The following SLC6A11 variants were observed in gnomAD, a reference collection of about 807,000 sequenced individuals.
SLC6A11 encodes solute carrier family 6 member 11.
SLC6A11 carries 25 observed loss-of-function variants against 74.8 expected under a neutral mutation model. That is an observed-to-expected ratio of 0.33 (90% CI 0.24 to 0.47). The LOEUF (loss-of-function observed/expected upper bound fraction) is 0.47. Among genes scored for constraint, SLC6A11 ranks in the 20% least tolerant of loss-of-function variants. The pLI is 1.00. For synonymous variants in SLC6A11, 330 were observed against 330.2 expected (o/e 1.00, Z 0.01); for missense variants, 574 against 837.0 (o/e 0.69, Z 3.88).
chr3:10,882,547 G>C (rs1390594820), intron 6 of SLC6A11, among the ~76,000 whole-genome samples: 1 of 152,156 alleles, frequency 6.6e-6, no homozygotes, highest in African/African-American at 2.4e-5. Context: ...TCCAGACCTG[G>C]AACAGTCCCT....
rs1433740693 is a variant in SLC6A11, at chr3:10,819,571, T to C, written c.363T>C (p.Cys121=). ...GQFTSEGGIT[C]WRKVCPLFEG... is the part of the protein sequence containing the mutation. ...TCACAAGTGAAGGTGGCATTACGTG[T>C]TGGAGGAAAGTTTGCCCTTTATTTG... Residue 121 remains cysteine (C), a synonymous_variant, in exon 2 of 14, where the codon TGT becomes TGC. Coordinates refer to ENST00000254488, the MANE Select transcript of SLC6A11 (RefSeq NM_014229.3). 1 of 1,614,052 alleles carries C rather than the reference T, an allele frequency of 6.2e-7. No individual in the cohort carries two copies. Among genetic ancestry groups the C allele is most frequent in the East Asian group, 2.2e-5 (1 of 44,906 alleles).
Position 10,938,318 on chromosome 3 carries a change from G to A in SLC6A11, c.1815G>A (p.Arg605=). ...GGGGCAAGCTTGGGGTGAGCCCACG[G>A]ATGGTGACAGTTAATGACTGTGATG... The part of the protein sequence containing the change: ...KMRGKLGVSP[R]MVTVNDCDAK... The change falls in exon 14 of 14, where the codon CGG becomes CGA. Residue 605 remains arginine (R), a synonymous_variant. Coordinates refer to ENST00000254488, the MANE Select transcript of SLC6A11 (RefSeq NM_014229.3). The A allele has an allele frequency of 1.9e-6, 3 of 1,613,312 alleles. No individual in the cohort carries two copies. The highest frequency in any genetic ancestry group is 2.2e-5 in the South Asian group (2 of 90,950).
At chr3:10,929,791 G>A in intron 10 of SLC6A11, among the ~76,000 whole-genome samples, 1 of 152,180 alleles carries the variant, frequency 6.6e-6, no homozygotes. Context: ...GGCACCATGT[G>A]CACCAGCCTG....
intron 5 of SLC6A11, among the ~76,000 whole-genome samples, chr3:10,862,510 G>A (rs1013474090): frequency 6.6e-6 from 1 of 152,200 alleles, no homozygotes; most frequent in Admixed American, 6.5e-5. Flanking sequence ...CCTTCTTAAT[G>A]AGCATGGTTG....
At chr3:10,859,423 A>G (rs1694677509) in intron 5 of SLC6A11, among the ~76,000 whole-genome samples, 1 of 152,142 alleles carries the variant, frequency 6.6e-6, no homozygotes, top group African/African-American at 2.4e-5. Context: ...TTGAGGACCC[A>G]TTAATGTCTG....
At chr3:10,916,886 A>G (rs1374163936) in intron 7 of SLC6A11, among the ~76,000 whole-genome samples, 1 of 152,214 alleles carries the variant, frequency 6.6e-6, no homozygotes, top group East Asian at 1.9e-4. Context: ...CACCAGTTCA[A>G]TGCTCTCTCT....
At chr3:10,880,297 C>G (rs556060542) in intron 6 of SLC6A11, among the ~76,000 whole-genome samples, 2 of 152,284 alleles carry the variant, frequency 1.3e-5, no homozygotes, top group South Asian at 4.1e-4. Flanking sequence ...TGAAAATGAT[C>G]CTTAGTTTTC....
chr3:10,873,385 G>GGCATGCC (rs1694850882), intron 5 of SLC6A11, among the ~76,000 whole-genome samples: 1 of 118,766 alleles, frequency 8.4e-6, no homozygotes, highest in African/African-American at 3.4e-5. Flanking sequence ...CTTCATTATT[G>GGCATGCC]TATCCTATCC....
chr3:10,866,574 A>T (rs1694764960), intron 5 of SLC6A11, among the ~76,000 whole-genome samples: 1 of 152,184 alleles, frequency 6.6e-6, no homozygotes, highest in Non-Finnish European at 1.5e-5. Context: ...AGATTATTTT[A>T]GGCCCCACAC....
At chr3:10,876,802 G>A (rs1024490128) in intron 6 of SLC6A11, among the ~76,000 whole-genome samples, 4 of 119,356 alleles carry the variant, frequency 3.4e-5, no homozygotes, top group South Asian at 2.6e-4. Flanking sequence ...AAAAACAAAC[G>A]AGAACTAACA....
At chr3:10,876,674 G>A (rs1014484105) in intron 6 of SLC6A11, among the ~76,000 whole-genome samples, 1 of 145,376 alleles carries the variant, frequency 6.9e-6, no homozygotes, top group Non-Finnish European at 1.5e-5. Context: ...AACCCCCAGA[G>A]GTGATTCTTA....
intron 4 of SLC6A11, among the ~76,000 whole-genome samples, chr3:10,829,093 A>G (rs1046266158): frequency 6.6e-6 from 1 of 152,238 alleles, no homozygotes; most frequent in Non-Finnish European, 1.5e-5. Flanking sequence ...AGAATTGAAT[A>G]AGACTTCTCC....
At chr3:10,933,078 G>A in intron 10 of SLC6A11, 73 bp from the exon 11 acceptor site, 2 of 1,027,576 alleles carry the variant, frequency 1.9e-6, no homozygotes, top group South Asian at 2.6e-5. Context: ...ACCTTCCTGA[G>A]GCCAGATGGC....
chr3:10,904,690 T>C (rs1339339273), intron 6 of SLC6A11, among the ~76,000 whole-genome samples: 1 of 152,198 alleles, frequency 6.6e-6, no homozygotes, highest in Non-Finnish European at 1.5e-5. Flanking sequence ...GAGGTGGGGT[T>C]GCCTTTGTTC....
At position 10,940,690 on chromosome 3, in the gene SLC6A11, T is replaced by TA. The variant is rs1303998381; in HGVS notation, c.*2293dup. 1 of 152,238 alleles carries TA rather than the reference T, an allele frequency of 6.6e-6. No homozygotes were observed. 9.4% of individuals were successfully genotyped at this position (152,238 alleles called of 1,614,324 possible). ...GCAAGATTGTCTGCTTACTCATTTTTAAAAATTAAAGAAATGAACAATCAG... is the reference window on the plus strand; with the variant it reads ...GCAAGATTGTCTGCTTACTCATTTTTAAAAAATTAAAGAAATGAACAATCAG... On this transcript the variant is annotated 3_prime_UTR_variant, in exon 14 of 14. Transcript: ENST00000254488.
In SLC6A11 at chr3:10,938,443, C is replaced by T. The variant is rs1171923542; in HGVS notation, c.*41C>T. 1 of 1,546,630 alleles carries T rather than the reference C, an allele frequency of 6.5e-7. No homozygotes were observed. The highest frequency in any genetic ancestry group is 1.9e-5 in the Admixed American group (1 of 53,998). On this transcript the variant is annotated 3_prime_UTR_variant, in exon 14 of 14. Coordinates refer to ENST00000254488, the MANE Select transcript of SLC6A11 (RefSeq NM_014229.3). ...CTGGGGCTCTTCTTCCTTTCTTCCC[C>T]CCGTGTATGTAAATGAATTCCTGAA... is the stretch of plus-strand genomic sequence containing the variant.
intron 5 of SLC6A11, among the ~76,000 whole-genome samples, chr3:10,873,639 CCTGTCCTGTCCAT>C (rs1305272484): frequency 1.8e-4 from 26 of 147,030 alleles, no homozygotes; most frequent in South Asian, 4.4e-4. Flanking sequence ...CCTGTCCTGT[CCTGTCCTGTCCAT>C]CTATCCCGTC....
intron 4 of SLC6A11, among the ~76,000 whole-genome samples, chr3:10,840,707 A>G (rs1439559797): frequency 6.6e-6 from 1 of 152,206 alleles, no homozygotes; most frequent in Admixed American, 6.5e-5. Flanking sequence ...TTATGGAGGA[A>G]TCAAGGCTGA....
At chr3:10,834,408 A>G (rs1009633002) in intron 4 of SLC6A11, among the ~76,000 whole-genome samples, 2 of 150,490 alleles carry the variant, frequency 1.3e-5, no homozygotes, top group African/African-American at 4.9e-5. Context: ...GGAAGGGATG[A>G]AGGAAGAAAC....
Sources: gnomAD v4.1 joint callset for allele counts (sites outside exome capture counted in the v4.1 genomes callset) on GRCh38, gnomAD v4.1.1 for gene constraint, MANE v1.5 for transcripts, NCBI Gene and HGNC (gene_info 2026-07-23, HGNC 2026-07-21) for gene names.